The following ANKRD36 variants were observed in gnomAD, a reference collection of about 807,000 sequenced individuals.
The protein encoded by ANKRD36 is ankyrin repeat domain 36.
In ANKRD36, 179 loss-of-function variants were observed where a neutral mutation model predicts 278.1. That is an observed-to-expected ratio of 0.64 (90% confidence interval 0.57 to 0.73). ANKRD36 has a LOEUF of 0.73. ANKRD36 is among the 30% of genes least tolerant of loss of function. The probability of loss-of-function intolerance (pLI) is 0.00; values close to 1 mark genes in which losing one functional copy is unlikely to be tolerated. For synonymous variants in ANKRD36, 320 were observed against 641.1 expected (o/e 0.50, Z 7.57); for missense variants, 1,159 against 1,956.7 (o/e 0.59, Z 7.69).
chr2:97,198,690 C>T (rs1387703147), intron 44 of ANKRD36, 32 bp downstream of exon 44: 1 of 1,524,050 alleles, frequency 6.6e-7, no homozygotes, highest in Non-Finnish European at 8.9e-7. Flanking sequence ...ATGTCATGTT[C>T]AGTGCAGATA....
chr2:97,216,069 AAG>A (rs2065856210), intron 62 of ANKRD36, among the ~76,000 whole-genome samples: 1 of 151,828 alleles, frequency 6.6e-6, no homozygotes, highest in South Asian at 2.1e-4. Flanking sequence ...ATTTGCATAA[AAG>A]AATATTAAAT....
intron 42 of ANKRD36, among the ~76,000 whole-genome samples, chr2:97,197,166 CTTG>C (rs1324768399): frequency 2.6e-5 from 4 of 151,890 alleles, no homozygotes; most frequent in African/African-American, 9.7e-5. Flanking sequence ...AGACAGAAAA[CTTG>C]TTGTAATAAC....
chr2:97,154,900 G>T (rs1252820065), intron 15 of ANKRD36, among the ~76,000 whole-genome samples, 159 bp downstream of exon 15: 14 of 144,172 alleles, frequency 9.7e-5, no homozygotes, highest in African/African-American at 3.4e-4. Context: ...AAATAGGGGG[G>T]GTTAATTTTA....
At chr2:97,186,055 C>T (rs533107037) in intron 30 of ANKRD36, among the ~76,000 whole-genome samples, 9 of 151,832 alleles carry the variant, frequency 5.9e-5, no homozygotes, top group East Asian at 3.9e-4. Context: ...GAACTCACTT[C>T]GGATGCATTT....
In ANKRD36 at chr2:97,148,973, A is replaced by G. The variant is rs1338273776; in HGVS notation, c.1035-322A>G. On this transcript the variant is annotated intron_variant, in intron 11 of 75. Coordinates refer to ENST00000420699, the MANE Select transcript of ANKRD36 (RefSeq NM_001354587.1). Reference sequence around the variant, plus strand: ...ATTTTCAGTTTAGTCTTTAGGGTAGATAATTTATAAGGACAAATTATTGTC... The same window carrying G: ...ATTTTCAGTTTAGTCTTTAGGGTAGGTAATTTATAAGGACAAATTATTGTC... Among the ~76,000 whole-genome samples, 5 of 152,180 alleles carry G rather than the reference A, an allele frequency of 3.3e-5. No individual in the cohort carries two copies. The East Asian group carries it at 7.8e-4, about 24-fold the overall frequency.
At chr2:97,140,488 A>G (rs2042623327) in intron 6 of ANKRD36, among the ~76,000 whole-genome samples, 1 of 151,928 alleles carries the variant, frequency 6.6e-6, no homozygotes, top group Non-Finnish European at 1.5e-5. Flanking sequence ...GAAAATAGGT[A>G]AGATAGGCTG....
chr2:97,214,089 G>A (rs2065346226), intron 60 of ANKRD36, among the ~76,000 whole-genome samples: 1 of 150,896 alleles, frequency 6.6e-6, no homozygotes, highest in South Asian at 2.1e-4. Context: ...TGTGAGGCAG[G>A]AAGGAGGGAA....
At chr2:97,190,914 G>C in intron 34 of ANKRD36, 64 bp from the exon 35 acceptor site, 2 of 1,582,104 alleles carry the variant, frequency 1.3e-6, no homozygotes, top group Non-Finnish European at 1.7e-6. Flanking sequence ...AACACTGTGT[G>C]AATGTATGGA....
intron 40 of ANKRD36, 30 bp from the exon 41 acceptor site, chr2:97,196,563 G>A (rs758730249): frequency 6.9e-6 from 11 of 1,603,800 alleles, no homozygotes; most frequent in Non-Finnish European, 9.3e-6. Flanking sequence ...ATTTATGTAT[G>A]ACTGATTATG....
rs1274337632 is a variant in ANKRD36, at chr2:97,118,202, G to A, written c.312+24G>A. 5.1e-6 allele frequency: 8 copies of A among 1,580,392 alleles called. 1 individual carries two copies. Among genetic ancestry groups the A allele is most frequent in the Middle Eastern group, 1.7e-4 (1 of 6,048 alleles). On this transcript the variant is annotated intron_variant, in intron 2 of 75. Coordinates refer to ENST00000420699, the MANE Select transcript of ANKRD36 (RefSeq NM_001354587.1). The stretch of plus-strand genomic sequence containing the variant: ...AGGTATATAGTAGCTGACTCTTTGA[G>A]CATGAGATGGATTTGGTTGAAGTAC...
rs751739007 is a variant in ANKRD36 at position 97,245,348 on chromosome 2, ATTAGCAAAAACGATAGCCTG to A, written c.4687_4706del (p.Ala1563Ter). 9.7e-6 allele frequency: 15 copies of A among 1,551,830 alleles called. No homozygotes were observed. Among genetic ancestry groups the A allele is most frequent in the East Asian group, 4.9e-5 (2 of 40,650 alleles). On this transcript the variant is annotated frameshift_variant, in exon 71 of 76. Coordinates refer to ENST00000420699, the MANE Select transcript of ANKRD36 (RefSeq NM_001354587.1). LOFTEE classifies it high-confidence loss of function. ...AGGCTCTAAAACGGAATGGGGAAAC[ATTAGCAAAAACGATAGCCTG>A]TTATAGTGGACAGCTTGCTGCTCTG...
At position 97,170,508 on chromosome 2, in the gene ANKRD36, G is replaced by T. The variant is rs531419650; in HGVS notation, c.1633+2741G>T. The stretch of plus-strand genomic sequence containing the variant: ...GGGAAAACTTTCTACATAGCCATAT[G>T]TAGAAAGCTGAAACTGGATCCCTTC... On this transcript the variant is annotated intron_variant, in intron 22 of 75. Coordinates refer to ENST00000420699, the MANE Select transcript of ANKRD36 (RefSeq NM_001354587.1). Among the ~76,000 whole-genome samples, 9 of 152,066 alleles carry T rather than the reference G, an allele frequency of 5.9e-5. No individual in the cohort carries two copies. The South Asian group carries it at 1.9e-3, about 32-fold the overall frequency.
At position 97,158,660 on chromosome 2, in the gene ANKRD36, A is replaced by G; in HGVS notation, c.1389+5A>G. On this transcript the variant is annotated splice_donor_5th_base_variant and intron_variant, in intron 17 of 75. Coordinates refer to ENST00000420699, the MANE Select transcript of ANKRD36 (RefSeq NM_001354587.1). ...GAAGACCAAAATGTTGATAAGGTAAATGAAGATGTGGTTAAAAGCCAACAT... is the reference window on the plus strand; with the variant it reads ...GAAGACCAAAATGTTGATAAGGTAAGTGAAGATGTGGTTAAAAGCCAACAT... 6.5e-7 allele frequency: 1 copy of G among 1,536,138 alleles called. No homozygotes were observed. The highest frequency in any genetic ancestry group is 8.7e-7 in the Non-Finnish European group (1 of 1,146,516).
chr2:97,202,800 G>C (rs1369707895), intron 48 of ANKRD36, among the ~76,000 whole-genome samples: 5 of 151,794 alleles, frequency 3.3e-5, no homozygotes, highest in Admixed American at 6.6e-5. Flanking sequence ...CACACTGTAG[G>C]AGAAGTAAGG....
chr2:97,198,368 C>T (rs2060390476), intron 42 of ANKRD36, 95 bp from the exon 43 acceptor site: 2 of 1,543,196 alleles, frequency 1.3e-6, no homozygotes, highest in East Asian at 2.5e-5. Flanking sequence ...CTAATACAGG[C>T]AGGAGGACAG....
intron 9 of ANKRD36, 46 bp downstream of exon 9, chr2:97,144,592 A>C (rs1282943404): frequency 6.4e-7 from 1 of 1,567,570 alleles, no homozygotes; most frequent in South Asian, 1.2e-5. Flanking sequence ...TGTATAGTCT[A>C]TGGAATATAC....
At chr2:97,124,432 G>T in intron 4 of ANKRD36, 28 bp from the exon 5 acceptor site, 1 of 1,535,682 alleles carries the variant, frequency 6.5e-7, no homozygotes, top group African/African-American at 1.4e-5. Flanking sequence ...TGTCATTAAA[G>T]TTTTTAATTA....
At chr2:97,181,868 C>T (rs1028779521) in intron 26 of ANKRD36, 75 bp downstream of exon 26, 12 of 1,009,006 alleles carry the variant, frequency 1.2e-5, no homozygotes, top group Admixed American at 4.0e-5. Context: ...AATAAATCAG[C>T]AGGGGATTCA....
At position 97,207,671 on chromosome 2, in the gene ANKRD36, C is replaced by A. The variant is rs878999473; in HGVS notation, c.3164-140C>A. 5 of 1,360,444 alleles carry A rather than the reference C, an allele frequency of 3.7e-6. No homozygotes were observed. The South Asian group carries it at 6.4e-5, about 17-fold the overall frequency. The allele number at this position is 1,360,444 out of a possible 1,614,324, so 84.3% of individuals were successfully genotyped here. On this transcript the variant is annotated intron_variant, in intron 52 of 75. Transcript: ENST00000420699. ...CAGCGTATTTCTGTCATGTTCTAGT[C>A]CCCAGACACAAAGTAGAAGCCATCA... is the stretch of plus-strand genomic sequence containing the variant.
Sources: allele counts gnomAD v4.1 joint callset (sites outside exome capture counted in the v4.1 genomes callset), GRCh38; gene constraint gnomAD v4.1.1; transcripts MANE v1.5; gene names NCBI Gene and HGNC (gene_info 2026-07-23, HGNC 2026-07-21).